Variants in CASD1 observed in about 807,000 individuals in gnomAD.
CASD1 encodes CAS1 domain sialic acid O acetyltransferase 1, also known as N-acetylneuraminate (7)9-O-acetyltransferase.
CASD1 carries 41 observed loss-of-function variants against 100.0 expected under a neutral mutation model. The observed-to-expected ratio is 0.41, with a 90% confidence interval of 0.32 to 0.53. CASD1 has a LOEUF of 0.53. Ranked by LOEUF, CASD1 falls within the 20% of genes least tolerant of loss-of-function variation. CASD1 has a pLI of 0.25. For missense variants in CASD1, 774 were observed against 948.7 expected (o/e 0.82, Z 2.42); for synonymous variants, 321 against 315.6 (o/e 1.02, Z -0.18).
chr7:94,600,658 C>T, the CASD1 span: 13 of 1,612,596 alleles, frequency 8.1e-6, no homozygotes, highest in East Asian at 2.0e-4. Context: ...GCCTTCCCGT[C>T]GGCAGCACAT....
chr7:94,588,326 A>G, the CASD1 span: 1 of 1,078,172 alleles, frequency 9.3e-7, no homozygotes, highest in Non-Finnish European at 1.1e-6. Context: ...AGAGCTTGAA[A>G]CTTCAAGCTG....
the CASD1 span, among the ~76,000 whole-genome samples, chr7:94,610,434 G>T: frequency 6.6e-6 from 1 of 152,082 alleles, no homozygotes; most frequent in Admixed American, 6.6e-5. Flanking sequence ...GTTGATAATG[G>T]GGGAGGCGAT....
At chr7:94,522,509 GATA>G (rs974811492) in intron 3 of CASD1, among the ~76,000 whole-genome samples, 2 of 152,204 alleles carry the variant, frequency 1.3e-5, no homozygotes, top group African/African-American at 4.8e-5. Context: ...CTCAGTTAAT[GATA>G]GGACAAGCAA....
intron 10 of CASD1, among the ~76,000 whole-genome samples, chr7:94,540,754 A>C (rs1446912711): frequency 1.3e-5 from 2 of 152,318 alleles, no homozygotes; most frequent in East Asian, 3.9e-4. Flanking sequence ...GTATGTAGAC[A>C]TGAAAATTGA....
chr7:94,518,910 A>G (rs1486852621), intron 3 of CASD1, among the ~76,000 whole-genome samples: 3 of 152,074 alleles, frequency 2.0e-5, no homozygotes, highest in African/African-American at 7.2e-5. Context: ...CTTTGTGTGA[A>G]AACTTTGCTT....
rs1165737722 is a variant in CASD1 at position 94,556,275 on chromosome 7, T to C, written c.*517T>C. 2 of 152,808 alleles carry C rather than the reference T, an allele frequency of 1.3e-5. No homozygotes were observed. The highest frequency in any genetic ancestry group is 4.8e-5 in the African/African-American group (2 of 41,458). 9.5% of individuals were successfully genotyped at this position (152,808 alleles called of 1,614,324 possible). Reference sequence around the variant, plus strand: ...TGCAATGAAGTGGAATGATAAACAGTATGCCTTTAATTTATATGTGTTCTT... The same window carrying C: ...TGCAATGAAGTGGAATGATAAACAGCATGCCTTTAATTTATATGTGTTCTT... On this transcript the variant is annotated 3_prime_UTR_variant, in exon 18 of 18. Transcript: ENST00000297273.
the CASD1 span, among the ~76,000 whole-genome samples, chr7:94,630,769 C>T: frequency 6.6e-6 from 1 of 151,856 alleles, no homozygotes; most frequent in Non-Finnish European, 1.5e-5. Flanking sequence ...GAGATAAACC[C>T]TATCAGGCCA....
chr7:94,563,246 C>T, the CASD1 span, among the ~76,000 whole-genome samples: 1 of 152,146 alleles, frequency 6.6e-6, no homozygotes, highest in Admixed American at 6.5e-5. Context: ...CCTCCTTACC[C>T]CCTTTTCCAA....
Position 94,544,525 on chromosome 7 carries a change from T to G in CASD1, c.1471T>G (p.Cys491Gly). ...AGGAGATTTTGGAATCTATAGAGTA[T>G]GTCAGGTAGGAATGCACTGTTATTT... ...IKGDFGIYRVCQVLFRLNFLV... is the reference protein window; with the variant it reads ...IKGDFGIYRVGQVLFRLNFLV... The change falls in exon 11 of 18, where the codon TGT (cysteine) becomes GGT (glycine). Residue 491 changes from cysteine to glycine, a missense_variant. By Grantham distance (159) the Cys-to-Gly change is radical (BLOSUM62 -3). This residue lies in a region of CASD1 where 453 missense variants were observed against 532.6 expected (regional missense o/e 0.85). Transcript: ENST00000297273. The G allele has an allele frequency of 1.2e-6, 2 of 1,612,072 alleles. No homozygotes were observed. Among genetic ancestry groups the G allele is most frequent in the Non-Finnish European group, 1.7e-6 (2 of 1,179,124 alleles).
chr7:94,535,315 T>C lies in CASD1; in HGVS notation c.635T>C (p.Val212Ala). Residue 212 changes from valine (V) to alanine (A), a missense_variant, in exon 8 of 18, where the codon GTT becomes GCT. Physicochemically the swap from Val to Ala is moderately conservative, Grantham distance 64. This residue lies in a region of CASD1 where 453 missense variants were observed against 532.6 expected (regional missense o/e 0.85). Coordinates refer to ENST00000297273, the MANE Select transcript of CASD1 (RefSeq NM_022900.5). ...SDVYWVLQDP[V>A]YEDLLSENRK... ...AAATGTGTCTCACGTGCAGATCCTG[T>C]TTATGAAGATCTATTAAGTGAAAAT... is the stretch of plus-strand genomic sequence containing the variant. 6.2e-7 allele frequency: 1 copy of C among 1,609,764 alleles called. No homozygotes were observed. Among genetic ancestry groups the C allele is most frequent in the Non-Finnish European group, 8.5e-7 (1 of 1,176,844 alleles).
chr7:94,558,624 G>T (rs114329817), downstream of CASD1, among the ~76,000 whole-genome samples: 457 of 152,150 alleles, frequency 3.0e-3, 3 homozygotes, highest in African/African-American at 0.01. Flanking sequence ...TCATTCTTGT[G>T]TTCATTCCCC....
At chr7:94,532,086 T>C (rs1331455182) in intron 5 of CASD1, among the ~76,000 whole-genome samples, 1 of 152,144 alleles carries the variant, frequency 6.6e-6, no homozygotes, top group Non-Finnish European at 1.5e-5. Flanking sequence ...TGTACTGTAA[T>C]ATACTATTGC....
intron 1 of CASD1, among the ~76,000 whole-genome samples, chr7:94,515,987 A>C (rs1793960942): frequency 6.6e-6 from 1 of 152,144 alleles, no homozygotes; most frequent in Non-Finnish European, 1.5e-5. Context: ...ATTTGTAGAA[A>C]AATAACTTGT....
intron 11 of CASD1, 90 bp downstream of exon 11, chr7:94,544,620 T>A (rs1405428992): frequency 1.5e-6 from 2 of 1,297,218 alleles, no homozygotes; most frequent in Non-Finnish European, 2.1e-6. Flanking sequence ...AATATAGTCA[T>A]TATAAGACTG....
At chr7:94,561,243 C>T (rs562312410), downstream of CASD1, among the ~76,000 whole-genome samples, 38 of 151,970 alleles carry the variant, frequency 2.5e-4, no homozygotes, top group African/African-American at 7.7e-4. Flanking sequence ...CGAAACTCTG[C>T]CTCAAAAAAA....
rs371708716 is a variant in CASD1, at chr7:94,534,951, A to G, written c.629-358A>G. On this transcript the variant is annotated intron_variant, in intron 7 of 17. Coordinates refer to ENST00000297273, the MANE Select transcript of CASD1 (RefSeq NM_022900.5). ...GATGGGCAGCTATTTTTAATTAAGC[A>G]GTCTTCTATAACTCATTTTAGATTT... 9.8e-5 allele frequency among the ~76,000 whole-genome samples: 15 copies of G among 152,342 alleles called. No individual in the cohort carries two copies. The East Asian group carries it at 2.1e-3, about 22-fold the overall frequency.
the CASD1 span, chr7:94,588,111 T>C: frequency 3.4e-5 from 40 of 1,172,454 alleles, no homozygotes; most frequent in Non-Finnish European, 3.9e-5. Context: ...AATAATTGGC[T>C]GTGGAAAATT....
rs1795801922 is a variant in CASD1 at position 94,548,707 on chromosome 7, C to G, written c.1714-826C>G. 2.0e-5 allele frequency among the ~76,000 whole-genome samples: 3 copies of G among 151,496 alleles called. No individual in the cohort carries two copies. The South Asian group carries it at 6.2e-4, about 31-fold the overall frequency. On this transcript the variant is annotated intron_variant, in intron 13 of 17. Transcript: ENST00000297273. ...TCTTTTCTCTTTGTTTTTTAATAGC[C>G]TCTTTAAAAATCACGATGTTACACT...
chr7:94,520,930 A>G (rs1794233461), intron 3 of CASD1, among the ~76,000 whole-genome samples: 1 of 152,164 alleles, frequency 6.6e-6, no homozygotes, highest in African/African-American at 2.4e-5. Flanking sequence ...CATCTCTACT[A>G]AAATGCAAAA....
Sources: gnomAD v4.1 joint callset for allele counts (sites outside exome capture counted in the v4.1 genomes callset) on GRCh38, gnomAD v4.1.1 for gene constraint, gnomAD v4.1.1 regional missense constraint, MANE v1.5 for transcripts, NCBI Gene and HGNC (gene_info 2026-07-23, HGNC 2026-07-21) for gene names.